CDC42: variants seen among roughly 807,000 people sequenced by gnomAD.
CDC42 encodes cell division control protein 42 homolog.
A neutral mutation model predicts 20.8 loss-of-function variants in CDC42; 1 was observed. That is an observed-to-expected ratio of 0.05 (90% confidence interval 0.02 to 0.23). CDC42 has a LOEUF of 0.23. Ranked by LOEUF, CDC42 falls within the 10% of genes least tolerant of loss-of-function variation. The pLI is 1.00. For missense variants in CDC42, 49 were observed against 227.9 expected, an observed-to-expected ratio of 0.21 and a Z score of 5.05; for synonymous variants, 72 against 84.8, an observed-to-expected ratio of 0.85 and a Z score of 0.83.
At chr1:22,056,804 C>T (rs187307894) in intron 1 of CDC42, among the ~76,000 whole-genome samples, 88 of 152,358 alleles carry the variant, frequency 5.8e-4, no homozygotes, top group African/African-American at 2.0e-3. Context: ...AGCCATTATA[C>T]TAAAGTCCAG....
rs780658203 is a variant in CDC42 at position 22,100,026 on chromosome 1, C to CTTTTTTTTTTTTTTTTTTTTT, written c.*8511_*8512insTTTTTTTTTTTTTTTTTTTTT. ...CCTTTTTTTCTTTCTTCTTCTTCTT[C>CTTTTTTTTTTTTTTTTTTTTT]TTCTTTTTTTTTTTTTTTGTATAAT... On this transcript the variant is annotated 3_prime_UTR_variant, in exon 6 of 6. Coordinates refer to ENST00000656825, the MANE Select transcript of CDC42 (RefSeq NM_001791.4). Among the ~76,000 whole-genome samples the CTTTTTTTTTTTTTTTTTTTTT allele has an allele frequency of 1.7e-5, 1 of 57,584 alleles. No individual in the cohort carries two copies. Among genetic ancestry groups the CTTTTTTTTTTTTTTTTTTTTT allele is most frequent in the Non-Finnish European group, 3.4e-5 (1 of 29,440 alleles). The allele number at this position is 57,584 out of a possible 152,430, so 37.8% of individuals were successfully genotyped here. A position where few individuals can be genotyped will look rare whatever the true frequency, so the allele number is the denominator to read the frequency against.
rs997759103 is a variant in CDC42, at chr1:22,098,039, C to T, written c.*6522C>T. Among the ~76,000 whole-genome samples the T allele has an allele frequency of 7.2e-5, 11 of 152,104 alleles. No individual in the cohort carries two copies. The highest frequency in any genetic ancestry group is 4.1e-4 in the South Asian group (2 of 4,822). On this transcript the variant is annotated 3_prime_UTR_variant, in exon 6 of 6. Transcript: ENST00000656825. ...CATAACTGTTCTGTTTGCTCTGATG[C>T]GTCCCGCAGAGCAGTGCTTTTTCTC...
chr1:22,063,651 C>G (rs533090398), intron 1 of CDC42, among the ~76,000 whole-genome samples: 23 of 152,076 alleles, frequency 1.5e-4, no homozygotes, highest in African/African-American at 4.8e-4. Flanking sequence ...GCTTTTTTCC[C>G]CTTTAGGACA....
intron 5 of CDC42, chr1:22,090,813 G>A (rs1339185180): frequency 1.0e-6 from 1 of 984,858 alleles, no homozygotes; most frequent in Non-Finnish European, 1.2e-6. Flanking sequence ...ATAAATGCCT[G>A]ATGAAGCTTT....
intron 2 of CDC42, 155 bp downstream of exon 2, chr1:22,078,738 T>A: frequency 6.6e-7 from 1 of 1,503,902 alleles, no homozygotes; most frequent in South Asian, 1.2e-5. Flanking sequence ...TTATATACAC[T>A]TTAAACAGCT....
At chr1:22,078,846 C>A (rs1203336455) in intron 2 of CDC42, 19 of 1,340,896 alleles carry the variant, frequency 1.4e-5, no homozygotes, top group East Asian at 4.1e-5. Context: ...GTGGTGGTCT[C>A]AATTTGGTGA....
chr1:22,078,763 A>G, intron 2 of CDC42, 180 bp downstream of exon 2: 2 of 1,487,798 alleles, frequency 1.3e-6, no homozygotes, highest in Non-Finnish European at 1.8e-6. Flanking sequence ...AATCAGTGGA[A>G]AGTCAGAAGG....
intron 1 of CDC42, among the ~76,000 whole-genome samples, chr1:22,075,191 A>T (rs550250509): frequency 7.2e-5 from 11 of 152,306 alleles, no homozygotes; most frequent in African/African-American, 2.6e-4. Context: ...AGTGCAGGAG[A>T]TTAGTCCACA....
intron 3 of CDC42, among the ~76,000 whole-genome samples, chr1:22,083,027 G>C (rs1325609212): frequency 2.6e-5 from 4 of 151,852 alleles, no homozygotes; most frequent in Admixed American, 1.3e-4. Flanking sequence ...TTACAGGCAT[G>C]CGCCACCATA....
At chr1:22,086,581 A>T in intron 4 of CDC42, 33 bp downstream of exon 4, 2 of 1,586,484 alleles carry the variant, frequency 1.3e-6, no homozygotes, top group Non-Finnish European at 1.7e-6. Context: ...CCCTAAGAAG[A>T]TCATCTCAGA....
At chr1:22,077,303 A>G (rs1645562832) in intron 1 of CDC42, among the ~76,000 whole-genome samples, 1 of 152,178 alleles carries the variant, frequency 6.6e-6, no homozygotes, top group Non-Finnish European at 1.5e-5. Context: ...GTCAGTCTAG[A>G]AGTGCTCAGT....
intron 1 of CDC42, among the ~76,000 whole-genome samples, chr1:22,059,990 G>A (rs1645345629): frequency 1.3e-5 from 2 of 152,134 alleles, no homozygotes; most frequent in South Asian, 4.1e-4. Flanking sequence ...TATTACCTGT[G>A]TCCATTCTCT....
intron 1 of CDC42, among the ~76,000 whole-genome samples, chr1:22,074,625 G>T (rs901594982): frequency 6.6e-6 from 1 of 152,100 alleles, no homozygotes. Context: ...TAACTATGTT[G>T]CCCAGGCTGG....
chr1:22,055,750 A>G (rs770054435), intron 1 of CDC42, among the ~76,000 whole-genome samples: 1 of 152,052 alleles, frequency 6.6e-6, no homozygotes, highest in Non-Finnish European at 1.5e-5. Context: ...TGGCCTCTGA[A>G]AGTGCTGGGA....
At chr1:22,072,048 T>C (rs1024149103) in intron 1 of CDC42, among the ~76,000 whole-genome samples, 4 of 151,500 alleles carry the variant, frequency 2.6e-5, no homozygotes, top group Admixed American at 2.6e-4. Flanking sequence ...GTTTGATTAT[T>C]AGCTAGAACA....
At chr1:22,085,336 C>T (rs528289016) in intron 3 of CDC42, among the ~76,000 whole-genome samples, 34 of 152,098 alleles carry the variant, frequency 2.2e-4, no homozygotes, top group South Asian at 4.2e-4. Flanking sequence ...ATGCCAATAC[C>T]GCACTGTTTT....
intron 2 of CDC42, chr1:22,078,895 T>G: frequency 5.6e-6 from 7 of 1,254,364 alleles, no homozygotes; most frequent in Non-Finnish European, 7.1e-6. Context: ...ACTTTTTTTT[T>G]TTTTTTTTTG....
At position 22,098,952 on chromosome 1, in the gene CDC42, T is replaced by C. The variant is rs1448876060; in HGVS notation, c.*7435T>C. Among the ~76,000 whole-genome samples the C allele has an allele frequency of 6.6e-6, 1 of 151,620 alleles. No individual in the cohort carries two copies. The highest frequency in any genetic ancestry group is 1.5e-5 in the Non-Finnish European group (1 of 67,874). Reference sequence around the variant, plus strand: ...TTTTGCATTTTGTGTAGAGAGGGGGTTTTGCCATTTTACCCAGGCTGGTCT... The same window carrying C: ...TTTTGCATTTTGTGTAGAGAGGGGGCTTTGCCATTTTACCCAGGCTGGTCT... On this transcript the variant is annotated 3_prime_UTR_variant, in exon 6 of 6. Coordinates refer to ENST00000656825, the MANE Select transcript of CDC42 (RefSeq NM_001791.4).
intron 1 of CDC42, among the ~76,000 whole-genome samples, chr1:22,056,814 GAACAATTTCTAATAGAGCAGAAA>G (rs1388674401): frequency 6.6e-6 from 1 of 152,330 alleles, no homozygotes; most frequent in East Asian, 1.9e-4. Flanking sequence ...CTAAAGTCCA[GAACAATTTCTAATAGAGCAGAAA>G]ACTATATTGT....
Sources: gnomAD v4.1 joint callset for allele counts (sites outside exome capture counted in the v4.1 genomes callset) on GRCh38, gnomAD v4.1.1 for gene constraint, MANE v1.5 for transcripts, NCBI Gene and HGNC (gene_info 2026-07-23, HGNC 2026-07-21) for gene names.